Variants in ABLIM3 observed in about 807,000 individuals in gnomAD.
The protein encoded by ABLIM3 is actin-binding LIM protein 3.
A neutral mutation model predicts 109.5 loss-of-function variants in ABLIM3; 61 were observed. The observed-to-expected ratio is 0.56, with a 90% CI of 0.45 to 0.69. The LOEUF (loss-of-function observed/expected upper bound fraction) is 0.69. ABLIM3 is among the 30% of genes least tolerant of loss of function. ABLIM3 has a pLI of 0.00. For synonymous variants in ABLIM3, 300 were observed against 324.8 expected (o/e 0.92, Z 0.82); for missense variants, 796 against 889.5 (o/e 0.89, Z 1.34).
At chr5:149,146,886 T>C (rs1369713458) in intron 2 of ABLIM3, among the ~76,000 whole-genome samples, 1 of 152,208 alleles carries the variant, frequency 6.6e-6, no homozygotes, top group African/African-American at 2.4e-5. Flanking sequence ...TAGCATTGAA[T>C]CTATAAATTG....
At chr5:149,245,669 GAAAGAGAGGATGT>G (rs1227726353) in intron 16 of ABLIM3, among the ~76,000 whole-genome samples, 2 of 152,090 alleles carry the variant, frequency 1.3e-5, no homozygotes, top group East Asian at 3.9e-4. Flanking sequence ...GGAGGATGGA[GAAAGAGAGGATGT>G]GGGGAGGTGG....
chr5:149,234,712 C>G (rs1349578747), intron 10 of ABLIM3, among the ~76,000 whole-genome samples: 1 of 152,192 alleles, frequency 6.6e-6, no homozygotes, highest in Non-Finnish European at 1.5e-5. Flanking sequence ...GTAATAGTCT[C>G]CCTGGCACTG....
At chr5:149,194,315 A>T (rs1310959455) in intron 3 of ABLIM3, among the ~76,000 whole-genome samples, 1 of 152,262 alleles carries the variant, frequency 6.6e-6, no homozygotes, top group Non-Finnish European at 1.5e-5. Flanking sequence ...AATGAAATTT[A>T]AAAATCACAA....
chr5:149,220,312 C>A (rs1760515730), intron 8 of ABLIM3: 1 of 152,218 alleles, frequency 6.6e-6, no homozygotes, highest in Non-Finnish European at 1.5e-5. Context: ...AAGTGCATAG[C>A]TTTGTGATCC....
At chr5:149,243,446 A>G (rs890520123) in intron 15 of ABLIM3, 1 of 152,258 alleles carries the variant, frequency 6.6e-6, no homozygotes, top group Non-Finnish European at 1.5e-5. Flanking sequence ...TAGCTGGATA[A>G]CAAAAGGAGG....
chr5:149,252,378 TG>T (rs1754018083), intron 22 of ABLIM3, 170 bp downstream of exon 22: 6 of 657,060 alleles, frequency 9.1e-6, no homozygotes, highest in Admixed American at 3.3e-5. Flanking sequence ...CCACTTTTCC[TG>T]AATCCTGCCC....
chr5:149,185,259 G>A (rs1032694330), intron 3 of ABLIM3, among the ~76,000 whole-genome samples: 7 of 152,084 alleles, frequency 4.6e-5, no homozygotes, highest in African/African-American at 1.2e-4. Context: ...TGCAGTTGGC[G>A]GGTGGGTCTG....
intron 2 of ABLIM3, among the ~76,000 whole-genome samples, chr5:149,180,871 C>T (rs1756398046): frequency 6.6e-6 from 1 of 152,096 alleles, no homozygotes; most frequent in Non-Finnish European, 1.5e-5. Flanking sequence ...CTTTTTTATC[C>T]GGGTGGTTCA....
chr5:149,151,505 C>G lies in ABLIM3; in HGVS notation c.13+9397C>G, dbSNP rs1462384292. On this transcript the variant is annotated intron_variant, in intron 2 of 23. Transcript: ENST00000309868. ...CCCTGAATGTCAGCCACTGTCCACA[C>G]TAGCGTGAGATGCTAACAGTTGGTT... Among the ~76,000 whole-genome samples the G allele has an allele frequency of 3.3e-5, 5 of 152,248 alleles. No homozygotes were observed. In the East Asian group the frequency reaches 9.6e-4, roughly 29 times the overall value.
Position 149,198,282 on chromosome 5 carries a change from AG to A in ABLIM3, c.217del (p.Asp73ThrfsTer49), listed in dbSNP as rs1468591850. The A allele has an allele frequency of 6.2e-7, 1 of 1,614,218 alleles. No individual in the cohort carries two copies. Among genetic ancestry groups the A allele is most frequent in the Non-Finnish European group, 8.5e-7 (1 of 1,180,026 alleles). On this transcript the variant is annotated frameshift_variant, in exon 4 of 24. Transcript: ENST00000309868. LOFTEE classifies it high-confidence loss of function. The surrounding 1 kb of genome is among the most constrained non-coding windows in gnomAD (Gnocchi z 4.2). Reference sequence around the variant, plus strand: ...AAGAACCAGGAGTACATCTGCACCCAGGACTACCAGCAACTCTATGGCACCC... The same window carrying A: ...AAGAACCAGGAGTACATCTGCACCCAGACTACCAGCAACTCTATGGCACCC... ...FFKNQEYICT[Q>X]DYQQLYGTRC...
At chr5:149,254,253 C>G (rs1442115703) in intron 23 of ABLIM3, among the ~76,000 whole-genome samples, 10 of 152,102 alleles carry the variant, frequency 6.6e-5, no homozygotes, top group Non-Finnish European at 1.3e-4. Context: ...CCCTGTGCCC[C>G]AAAGCCTCCT....
At chr5:149,160,037 T>A (rs1030154081) in intron 2 of ABLIM3, among the ~76,000 whole-genome samples, 1 of 152,210 alleles carries the variant, frequency 6.6e-6, no homozygotes, top group Admixed American at 6.5e-5. Context: ...TGTCACACTT[T>A]GTAAATATCT....
chr5:149,239,850 C>G lies in ABLIM3; in HGVS notation c.1166C>G (p.Pro389Arg), dbSNP rs1752618382. 4 of 1,610,542 alleles carry G rather than the reference C, an allele frequency of 2.5e-6. No individual in the cohort carries two copies. The highest frequency in any genetic ancestry group is 3.4e-6 in the Non-Finnish European group (4 of 1,178,184). Residue 389 changes from proline (P) to arginine (R), a missense_variant, in exon 13 of 24, where the codon CCC (proline) becomes CGC (arginine). By Grantham distance (103) the Pro-to-Arg change is moderately radical. Coordinates refer to ENST00000309868, the MANE Select transcript of ABLIM3 (RefSeq NM_014945.5). ...SPTYSRQGMS[P>R]TFSRSPHHYY... ...ACCTACAGCCGGCAGGGCATGTCCC[C>G]CACCTTCTCCCGCTCACCTCACCAC...
chr5:149,217,324 C>T, intron 8 of ABLIM3: 1 of 479,790 alleles, frequency 2.1e-6, no homozygotes, highest in Non-Finnish European at 3.8e-6. Flanking sequence ...AGCAGACTCT[C>T]CTGGCTCTGC....
intron 7 of ABLIM3, among the ~76,000 whole-genome samples, chr5:149,213,071 C>T (rs1759715737): frequency 6.6e-6 from 1 of 152,142 alleles, no homozygotes; most frequent in South Asian, 2.1e-4. Flanking sequence ...TGAGATTGCA[C>T]CACTACACTC....
chr5:149,237,241 C>T (rs1752293240), intron 10 of ABLIM3, among the ~76,000 whole-genome samples: 2 of 152,214 alleles, frequency 1.3e-5, no homozygotes, highest in South Asian at 2.1e-4. Context: ...ACAATATGTG[C>T]TCAATAAATG....
chr5:149,168,255 A>G (rs1477875855), intron 2 of ABLIM3, among the ~76,000 whole-genome samples: 2 of 152,228 alleles, frequency 1.3e-5, no homozygotes, highest in Admixed American at 6.5e-5. Flanking sequence ...AGATGAAGAC[A>G]GTAGGCTGAG....
At chr5:149,228,352 T>A (rs1036550115) in intron 8 of ABLIM3, among the ~76,000 whole-genome samples, 8 of 152,116 alleles carry the variant, frequency 5.3e-5, no homozygotes, top group Non-Finnish European at 7.4e-5. Context: ...TGCATTTGAG[T>A]CCCCTTCCTA....
At chr5:149,223,872 A>C (rs1760908989) in intron 8 of ABLIM3, among the ~76,000 whole-genome samples, 1 of 152,186 alleles carries the variant, frequency 6.6e-6, no homozygotes, top group Non-Finnish European at 1.5e-5. Flanking sequence ...CCATCTCACA[A>C]GGCTGTTGTG....
Sources: gnomAD v4.1 joint callset for allele counts (sites outside exome capture counted in the v4.1 genomes callset) on GRCh38, gnomAD v4.1.1 for gene constraint, Gnocchi (gnomAD v3.1) non-coding constraint, MANE v1.5 for transcripts, NCBI Gene and HGNC (gene_info 2026-07-23, HGNC 2026-07-21) for gene names.